SMUG1: variants seen among roughly 807,000 people sequenced by gnomAD.
SMUG1 encodes the protein single-strand-selective monofunctional uracil-DNA glycosylase 1.
A neutral mutation model predicts 23.9 loss-of-function variants in SMUG1; 13 were observed. The observed-to-expected ratio is 0.54, with a 90% CI of 0.35 to 0.86. SMUG1 has a LOEUF of 0.86. Among genes scored for constraint, SMUG1 ranks in the 40% least tolerant of loss-of-function variants. The pLI is 0.01. For missense variants in SMUG1, 313 were observed against 339.5 expected, an observed-to-expected ratio of 0.92 and a Z score of 0.61; for synonymous variants, 133 against 139.8, an observed-to-expected ratio of 0.95 and a Z score of 0.34.
intron 2 of SMUG1, among the ~76,000 whole-genome samples, chr12:54,184,985 G>A (rs79651788): frequency 1.3e-5 from 2 of 152,136 alleles, no homozygotes; most frequent in Non-Finnish European, 2.9e-5. Flanking sequence ...CCAACATGGC[G>A]AAACCCCGTC....
At chr12:54,176,507 T>TCCCCAC (rs1555199082), downstream of SMUG1, among the ~76,000 whole-genome samples, 2 of 64,396 alleles carry the variant, frequency 3.1e-5, no homozygotes, top group East Asian at 8.7e-4. Context: ...GAAGATCCTG[T>TCCCCAC]CCCCCCCCAA....
intron 4 of SMUG1, among the ~76,000 whole-genome samples, chr12:54,158,781 G>T (rs1371032247): frequency 6.6e-6 from 1 of 152,050 alleles, no homozygotes; most frequent in African/African-American, 2.4e-5. Flanking sequence ...TACTTCTGCA[G>T]CTATTTGCCA....
At chr12:54,176,225 T>TA (rs796290061), downstream of SMUG1, among the ~76,000 whole-genome samples, 2,715 of 129,934 alleles carry the variant, frequency 0.021, 82 homozygotes, top group African/African-American at 0.072. Flanking sequence ...AAACTCCATC[T>TA]AAAAAAAAAA....
chr12:54,163,340 A>C (rs1940333964), downstream of SMUG1: 1 of 152,252 alleles, frequency 6.6e-6, no homozygotes, highest in African/African-American at 2.4e-5. Context: ...CTGACATGTT[A>C]TTTGACTTCC....
chr12:54,160,503 G>C (rs1377604522), downstream of SMUG1, among the ~76,000 whole-genome samples: 1 of 152,200 alleles, frequency 6.6e-6, no homozygotes, highest in Non-Finnish European at 1.5e-5. Context: ...GGCTCTGCCT[G>C]GGCAGGCTGG....
chr12:54,186,676 T>C lies in SMUG1; in HGVS notation c.-20+1143A>G, dbSNP rs561981041. Among the ~76,000 whole-genome samples, 5 of 152,276 alleles carry C rather than the reference T, an allele frequency of 3.3e-5. No homozygotes were observed. In the South Asian group the frequency reaches 1.0e-3, roughly 32 times the overall value. ...ATTTTAAACAAGCTTCCCAGGGTGA[T>C]TCTGATGGTTGGTGAAGGCTGAGAA... On this transcript the variant is annotated intron_variant, in intron 2 of 3. Coordinates refer to ENST00000682136, the MANE Select transcript of SMUG1 (RefSeq NM_001243787.2).
chr12:54,160,908 G>A (rs938454724), downstream of SMUG1, among the ~76,000 whole-genome samples: 5 of 152,176 alleles, frequency 3.3e-5, no homozygotes, highest in South Asian at 2.1e-4. Flanking sequence ...CGCCACCAGC[G>A]TGGCACCGGA....
downstream of SMUG1, among the ~76,000 whole-genome samples, chr12:54,178,165 C>G (rs535620776): frequency 1.3e-5 from 2 of 152,166 alleles, no homozygotes; most frequent in Non-Finnish European, 2.9e-5. Flanking sequence ...CTGGACTTAA[C>G]GGGCTCCAGA....
At chr12:54,162,586 CCTT>C (rs1467228217), downstream of SMUG1, 2 of 152,180 alleles carry the variant, frequency 1.3e-5, no homozygotes, top group African/African-American at 4.8e-5. Flanking sequence ...TCAGTTCTCT[CCTT>C]CTCTAGTGAT....
At chr12:54,171,633 G>T (rs1940621334) in intron 3 of SMUG1, among the ~76,000 whole-genome samples, 2 of 142,690 alleles carry the variant, frequency 1.4e-5, no homozygotes, top group African/African-American at 5.3e-5. Context: ...GTTGCAGTGA[G>T]CTGAGATCAT....
intron 2 of SMUG1, among the ~76,000 whole-genome samples, chr12:54,174,811 G>A (rs1246882463): frequency 6.6e-6 from 1 of 152,218 alleles, no homozygotes; most frequent in Non-Finnish European, 1.5e-5. Context: ...TGGACAAGAT[G>A]TACAGGAAAA....
At chr12:54,175,028 T>G (rs1940719402) in intron 2 of SMUG1, 1 of 152,256 alleles carries the variant, frequency 6.6e-6, no homozygotes, top group Non-Finnish European at 1.5e-5. Flanking sequence ...CTATATCACC[T>G]GATGGTCACA....
chr12:54,164,508 C>T (rs1337106264), downstream of SMUG1: 1 of 152,404 alleles, frequency 6.6e-6, no homozygotes, highest in Admixed American at 6.5e-5. Flanking sequence ...AAACATGATT[C>T]CAGGCGCGCT....
At chr12:54,177,952 A>G (rs1459830472), downstream of SMUG1, among the ~76,000 whole-genome samples, 5 of 152,184 alleles carry the variant, frequency 3.3e-5, no homozygotes, top group African/African-American at 4.8e-5. Flanking sequence ...CAATATGACT[A>G]TATTGGATAT....
rs1163128744 is a variant in SMUG1, at chr12:54,181,481, A to G, written c.*615T>C. Reference sequence around the variant, plus strand: ...TACAGATGAGGAGCCTGAGGCATAGAGAGGTTTATTAATTTGTCAATCAAA... The same window carrying G: ...TACAGATGAGGAGCCTGAGGCATAGGGAGGTTTATTAATTTGTCAATCAAA... On this transcript the variant is annotated 3_prime_UTR_variant, in exon 4 of 4. Transcript: ENST00000682136. 7.4e-7 allele frequency: 1 copy of G among 1,352,892 alleles called. No homozygotes were observed. Among genetic ancestry groups the G allele is most frequent in the South Asian group, 1.2e-5 (1 of 80,100 alleles). 83.8% of individuals were successfully genotyped at this position (1,352,892 alleles called of 1,614,324 possible).
At chr12:54,162,870 G>A (rs1445185158), downstream of SMUG1, 1 of 152,220 alleles carries the variant, frequency 6.6e-6, no homozygotes, top group Non-Finnish European at 1.5e-5. Flanking sequence ...CTTTGATGCA[G>A]AGCTTGGTTA....
At chr12:54,183,612 C>G (rs1330023919) in intron 3 of SMUG1, 44 bp downstream of exon 3, 1 of 1,606,836 alleles carries the variant, frequency 6.2e-7, no homozygotes, top group Non-Finnish European at 8.5e-7. Flanking sequence ...AAGCATCCAC[C>G]TAGAACCCCC....
chr12:54,176,680 G>A (rs1200349968), downstream of SMUG1, among the ~76,000 whole-genome samples: 7 of 151,318 alleles, frequency 4.6e-5, no homozygotes, highest in Admixed American at 6.6e-5. Context: ...GGTAGCGGGC[G>A]CCTGTAGTCC....
chr12:54,184,981 T>C (rs79591219), intron 2 of SMUG1, among the ~76,000 whole-genome samples: 2 of 152,130 alleles, frequency 1.3e-5, no homozygotes, highest in African/African-American at 2.4e-5. Flanking sequence ...CTGGCCAACA[T>C]GGCGAAACCC....
Sources: gnomAD v4.1 joint callset for allele counts (sites outside exome capture counted in the v4.1 genomes callset) on GRCh38, gnomAD v4.1.1 for gene constraint, MANE v1.5 for transcripts, NCBI Gene and HGNC (gene_info 2026-07-23, HGNC 2026-07-21) for gene names.